Variants in SPC24 observed in about 807,000 individuals in gnomAD.
The protein encoded by SPC24 is kinetochore protein Spc24.
In SPC24, 31 loss-of-function variants were observed where a neutral mutation model predicts 27.6. The ratio of observed to expected loss-of-function variants is 1.12; its 90% CI spans 0.84 to 1.52. SPC24 has a LOEUF of 1.52. Among genes scored for constraint, SPC24 ranks in the 40% most tolerant of loss-of-function variants. The pLI is 0.00. For missense variants in SPC24, 284 were observed against 252.5 expected, an observed-to-expected ratio of 1.12 and a Z score of -0.84; for synonymous variants, 105 against 105.8, an observed-to-expected ratio of 0.99 and a Z score of 0.05.
At chr19:11,154,346 C>A (rs1390274621) in intron 1 of SPC24, among the ~76,000 whole-genome samples, 1 of 152,130 alleles carries the variant, frequency 6.6e-6, no homozygotes, top group Non-Finnish European at 1.5e-5. Context: ...TAAGACCAGC[C>A]TAGCCAACAT....
At chr19:11,147,922 AAAAAAAAAG>A (rs752641037) in intron 3 of SPC24, 28 bp from the exon 4 acceptor site, 6 of 747,818 alleles carry the variant, frequency 8.0e-6, no homozygotes, top group Non-Finnish European at 8.0e-6. Context: ...AAAAAAAAAA[AAAAAAAAAG>A]AAAGTTACCC....
At chr19:11,154,676 G>A (rs1347891821) in intron 1 of SPC24, among the ~76,000 whole-genome samples, 3 of 69,688 alleles carry the variant, frequency 4.3e-5, no homozygotes, top group African/African-American at 2.0e-4. Flanking sequence ...GGTAGATATT[G>A]TACAATTCCT....
chr19:11,151,881 T>C (rs1364044099), intron 1 of SPC24, among the ~76,000 whole-genome samples: 2 of 150,866 alleles, frequency 1.3e-5, no homozygotes, highest in Non-Finnish European at 2.9e-5. Context: ...GTGCTGGGAT[T>C]ACAGGTGTGA....
intron 1 of SPC24, among the ~76,000 whole-genome samples, chr19:11,152,858 C>A (rs1249386433): frequency 6.6e-6 from 1 of 151,980 alleles, no homozygotes; most frequent in African/African-American, 2.4e-5. Flanking sequence ...ACTCTCCAGG[C>A]CTGGCAGTCA....
At chr19:11,148,413 G>T (rs1039760370) in intron 2 of SPC24, among the ~76,000 whole-genome samples, 1 of 151,894 alleles carries the variant, frequency 6.6e-6, no homozygotes. Flanking sequence ...TCACCATATT[G>T]GCCAGGCTGG....
chr19:11,155,137 G>C (rs779858061), intron 1 of SPC24, among the ~76,000 whole-genome samples: 1 of 152,302 alleles, frequency 6.6e-6, no homozygotes, highest in South Asian at 2.1e-4. Flanking sequence ...GGTGAGCCCA[G>C]GGCCTGGCAG....
At position 11,147,250 on chromosome 19, in the gene SPC24, T is replaced by A; in HGVS notation, c.527A>T (p.Asp176Val). Residue 176 changes from aspartate (D) to valine (V), a missense_variant, in exon 5 of 5, where the codon GAC (aspartate) becomes GTC (valine). Transcript: ENST00000592540. ...GAATTTCCTGGAGAGCTGGGTGCTG[T>A]CCAGGTGGATGGGCTGGGCCACACT... ...GPSVAQPIHL[D>V]STQLSRKFIS... The A allele has an allele frequency of 6.4e-7, 1 of 1,567,366 alleles. No homozygotes were observed. Among genetic ancestry groups the A allele is most frequent in the South Asian group, 1.2e-5 (1 of 85,140 alleles).
intron 3 of SPC24, 39 bp downstream of exon 3, chr19:11,147,973 CA>C: frequency 6.2e-7 from 1 of 1,600,558 alleles, no homozygotes; most frequent in Non-Finnish European, 8.5e-7. Context: ...CCGGACTGCA[CA>C]AGGAGGCACA....
chr19:11,151,850 C>T lies in SPC24; in HGVS notation c.161-2612G>A, dbSNP rs1386228715. ...GTCTAGAATTCCTGACCTTGTGATCCGCCCACCTTGGCCTCCCACAGTGCT... is the reference window on the plus strand; with the variant it reads ...GTCTAGAATTCCTGACCTTGTGATCTGCCCACCTTGGCCTCCCACAGTGCT... On this transcript the variant is annotated intron_variant, in intron 1 of 4. Coordinates refer to ENST00000592540, the MANE Select transcript of SPC24 (RefSeq NM_182513.4). Among the ~76,000 whole-genome samples, 10 of 149,216 alleles carry T rather than the reference C, an allele frequency of 6.7e-5. No homozygotes were observed. The East Asian group carries it at 1.0e-3, about 15-fold the overall frequency.
chr19:11,148,209 C>A, intron 2 of SPC24, 92 bp from the exon 3 acceptor site: 2 of 780,506 alleles, frequency 2.6e-6, no homozygotes, highest in Admixed American at 2.4e-5. Context: ...GCTCTATTTA[C>A]GCACACTCTC....
At chr19:11,154,854 G>A (rs942371668) in intron 1 of SPC24, among the ~76,000 whole-genome samples, 5 of 152,160 alleles carry the variant, frequency 3.3e-5, no homozygotes, top group African/African-American at 1.2e-4. Context: ...GCACAGCAGT[G>A]TGAATGTGCT....
intron 1 of SPC24, among the ~76,000 whole-genome samples, chr19:11,149,530 G>A (rs992816772): frequency 7.9e-5 from 12 of 151,828 alleles, no homozygotes; most frequent in Non-Finnish European, 1.6e-4. Flanking sequence ...CGGGAGGATC[G>A]CTTGAGGCCA....
At chr19:11,153,121 C>G (rs192859338) in intron 1 of SPC24, among the ~76,000 whole-genome samples, 198 of 152,164 alleles carry the variant, frequency 1.3e-3, no homozygotes, top group Non-Finnish European at 1.6e-3. Flanking sequence ...ACCATTTGAT[C>G]TGCTTCTGGC....
At chr19:11,149,460 A>G in intron 1 of SPC24, 1 of 346,104 alleles carries the variant, frequency 2.9e-6, no homozygotes, top group East Asian at 4.6e-5. Flanking sequence ...AAATATAACA[A>G]AATAGTTGGC....
In SPC24 at chr19:11,147,163, C is replaced by T. The variant is rs745657132; in HGVS notation, c.*20G>A. 41 of 1,503,964 alleles carry T rather than the reference C, an allele frequency of 2.7e-5. No individual in the cohort carries two copies. Among genetic ancestry groups the T allele is most frequent in the African/African-American group, 1.8e-4 (13 of 71,930 alleles). 93.2% of individuals were successfully genotyped at this position (1,503,964 alleles called of 1,614,324 possible). A position where few individuals can be genotyped will look rare whatever the true frequency, so the allele number is the denominator to read the frequency against. ...CGGCAGATGCCCGCTGGGTGCAAGA[C>T]GCAGCCACGAGGCTCCTGGCTACCA... On this transcript the variant is annotated 3_prime_UTR_variant, in exon 5 of 5. Coordinates refer to ENST00000592540, the MANE Select transcript of SPC24 (RefSeq NM_182513.4).
intron 1 of SPC24, chr19:11,149,451 A>C: frequency 2.7e-6 from 1 of 371,856 alleles, no homozygotes; most frequent in Admixed American, 4.6e-5. Flanking sequence ...ACACACCTAA[A>C]ATATAACAAA....
rs2077907248 is a variant in SPC24 at position 11,155,763 on chromosome 19, C to A, written c.14G>T (p.Arg5Leu). ...CCCCTGGCTCACCTCCTCTATGTCG[C>A]GGAAGGCGGCCATGACTACGCCAGG... is the stretch of plus-strand genomic sequence containing the variant. MAAFRDIEEVSQGLL... is the reference protein window; with the variant it reads MAAFLDIEEVSQGLL... The change falls in exon 1 of 5, where the codon CGC becomes CTC. Residue 5 changes from arginine (R) to leucine (L), a missense_variant. By Grantham distance (102) the Arg-to-Leu change is moderately radical. Transcript: ENST00000592540. 1 of 1,543,764 alleles carries A rather than the reference C, an allele frequency of 6.5e-7. No individual in the cohort carries two copies. Among genetic ancestry groups the A allele is most frequent in the South Asian group, 1.2e-5 (1 of 85,194 alleles).
In SPC24 at chr19:11,155,603, G is replaced by A. The variant is rs531976798; in HGVS notation, c.160+14C>T. ...CCTTCCCCCGTGGGCCCGCGACCAC[G>A]CTCCGACCCTCACCTCGCAGCTGCT... On this transcript the variant is annotated intron_variant, in intron 1 of 4. Coordinates refer to ENST00000592540, the MANE Select transcript of SPC24 (RefSeq NM_182513.4). The A allele has an allele frequency of 1.6e-5, 24 of 1,536,470 alleles. No individual in the cohort carries two copies. In the South Asian group the frequency reaches 2.6e-4, roughly 17 times the overall value.
At chr19:11,150,285 G>C (rs1452757185) in intron 1 of SPC24, among the ~76,000 whole-genome samples, 1 of 150,304 alleles carries the variant, frequency 6.7e-6, no homozygotes, top group Non-Finnish European at 1.5e-5. Flanking sequence ...TCAGGAGTTC[G>C]AGACCAGCCT....
Sources: gnomAD v4.1 joint callset for allele counts (sites outside exome capture counted in the v4.1 genomes callset) on GRCh38, gnomAD v4.1.1 for gene constraint, MANE v1.5 for transcripts, NCBI Gene and HGNC (gene_info 2026-07-23, HGNC 2026-07-21) for gene names.